Variants in GTF2F2 observed in about 807,000 individuals in gnomAD.
GTF2F2 encodes ATP-dependent helicase GTF2F2.
GTF2F2 carries 23 observed loss-of-function variants against 42.2 expected under a neutral mutation model. That is an observed-to-expected ratio of 0.55 (90% CI 0.39 to 0.77). The LOEUF is 0.77. Among genes scored for constraint, GTF2F2 ranks in the 30% least tolerant of loss-of-function variants. The probability of loss-of-function intolerance (pLI) is 0.00; values close to 1 mark genes in which losing one functional copy is unlikely to be tolerated. For missense variants in GTF2F2, 261 were observed against 287.2 expected, an observed-to-expected ratio of 0.91 and a Z score of 0.66; for synonymous variants, 105 against 100.8, an observed-to-expected ratio of 1.04 and a Z score of -0.25.
At chr13:45,237,095 A>G (rs1248016167) in intron 5 of GTF2F2, among the ~76,000 whole-genome samples, 1 of 152,216 alleles carries the variant, frequency 6.6e-6, no homozygotes, top group East Asian at 1.9e-4. Flanking sequence ...TCTAAAAAAT[A>G]TTATACCTAA....
chr13:45,139,153 T>C (rs1473881348), intron 2 of GTF2F2, among the ~76,000 whole-genome samples: 1 of 152,122 alleles, frequency 6.6e-6, no homozygotes, highest in African/African-American at 2.4e-5. Context: ...CTATAGGAGA[T>C]TGCATAATGG....
At chr13:45,264,063 A>G (rs748243396) in intron 6 of GTF2F2, 5 of 152,172 alleles carry the variant, frequency 3.3e-5, no homozygotes, top group Non-Finnish European at 2.9e-5. Flanking sequence ...TCGGACAGGA[A>G]GAAAAAAAAC....
chr13:45,167,581 G>A (rs1191318057), intron 4 of GTF2F2, among the ~76,000 whole-genome samples: 2 of 151,948 alleles, frequency 1.3e-5, no homozygotes, highest in Non-Finnish European at 2.9e-5. Context: ...TGTATTTTTA[G>A]TAGAGATGGG....
intron 4 of GTF2F2, among the ~76,000 whole-genome samples, chr13:45,178,031 G>A (rs1391976933): frequency 1.3e-5 from 2 of 152,168 alleles, no homozygotes; most frequent in East Asian, 3.9e-4. Flanking sequence ...TAAGCAGCCT[G>A]GGATTCATTG....
chr13:45,154,658 GAAATAAGGATAAT>G (rs1870663786), intron 4 of GTF2F2, among the ~76,000 whole-genome samples: 1 of 152,092 alleles, frequency 6.6e-6, no homozygotes, highest in African/African-American at 2.4e-5. Flanking sequence ...CCTCATTTAT[GAAATAAGGATAAT>G]TTATTGACAT....
intron 7 of GTF2F2, among the ~76,000 whole-genome samples, chr13:45,274,240 G>A (rs1235265801): frequency 1.3e-5 from 2 of 150,784 alleles, no homozygotes. Context: ...AATAAAAATA[G>A]TCATCTTAAT....
intron 2 of GTF2F2, among the ~76,000 whole-genome samples, chr13:45,145,766 C>A (rs1021430037): frequency 1.3e-5 from 2 of 152,182 alleles, no homozygotes; most frequent in African/African-American, 4.8e-5. Flanking sequence ...TGTGCAAATA[C>A]CCTATTCACC....
chr13:45,252,428 C>A (rs560070087), intron 5 of GTF2F2, among the ~76,000 whole-genome samples: 1 of 152,274 alleles, frequency 6.6e-6, no homozygotes, highest in East Asian at 1.9e-4. Context: ...CTGTGCTGTT[C>A]AGTAAACCTT....
At chr13:45,157,143 T>C (rs1870801006) in intron 4 of GTF2F2, among the ~76,000 whole-genome samples, 2 of 152,102 alleles carry the variant, frequency 1.3e-5, no homozygotes, top group Admixed American at 1.3e-4. Flanking sequence ...TGGAGTGAGT[T>C]AGCCAGCTAG....
At chr13:45,204,365 A>G (rs776882348) in intron 4 of GTF2F2, among the ~76,000 whole-genome samples, 9 of 152,192 alleles carry the variant, frequency 5.9e-5, no homozygotes, top group Non-Finnish European at 1.0e-4. Flanking sequence ...TGTCTTTTAC[A>G]TAGTAGGCAC....
intron 5 of GTF2F2, among the ~76,000 whole-genome samples, chr13:45,209,828 CCT>C (rs1485745358): frequency 2.6e-5 from 4 of 152,186 alleles, no homozygotes; most frequent in African/African-American, 9.6e-5. Context: ...CCAACTCTGT[CCT>C]CTCATTTTTT....
chr13:45,179,744 CT>C (rs1872056356), intron 4 of GTF2F2, among the ~76,000 whole-genome samples: 1 of 152,008 alleles, frequency 6.6e-6, no homozygotes, highest in Non-Finnish European at 1.5e-5. Flanking sequence ...CTTTTTGATA[CT>C]TTAAGATTTT....
At chr13:45,171,787 C>CT (rs1871611338) in intron 4 of GTF2F2, among the ~76,000 whole-genome samples, 1 of 151,936 alleles carries the variant, frequency 6.6e-6, no homozygotes, top group African/African-American at 2.4e-5. Context: ...ACGCCATAGT[C>CT]TACTTTCTGG....
At chr13:45,131,897 CAAAAAAAA>C (rs765260379) in intron 1 of GTF2F2, among the ~76,000 whole-genome samples, 632 of 53,202 alleles carry the variant, frequency 0.012, 12 homozygotes, top group Admixed American at 0.079. Context: ...GACCCTGTCT[CAAAAAAAA>C]AAAAAAAAAA....
intron 4 of GTF2F2, among the ~76,000 whole-genome samples, chr13:45,171,395 A>T (rs560745783): frequency 6.6e-6 from 1 of 152,248 alleles, no homozygotes; most frequent in Admixed American, 6.5e-5. Context: ...CTTTAATTCA[A>T]CTTTAAAAGA....
intron 7 of GTF2F2, among the ~76,000 whole-genome samples, chr13:45,281,283 C>T (rs140329644): frequency 1.4e-4 from 22 of 152,216 alleles, no homozygotes; most frequent in East Asian, 1.2e-3. Flanking sequence ...AGGCTGCCCA[C>T]GAGAGAGCTG....
chr13:45,168,138 T>A (rs1442478138), intron 4 of GTF2F2, among the ~76,000 whole-genome samples: 2 of 152,226 alleles, frequency 1.3e-5, no homozygotes, highest in African/African-American at 4.8e-5. Flanking sequence ...CCTTTTCTGC[T>A]GCTTCTAGGT....
chr13:45,203,044 C>G (rs1324592123), intron 4 of GTF2F2, among the ~76,000 whole-genome samples: 2 of 152,280 alleles, frequency 1.3e-5, no homozygotes, highest in Admixed American at 1.3e-4. Flanking sequence ...ATATAGGATA[C>G]TGACTGACCA....
intron 5 of GTF2F2, among the ~76,000 whole-genome samples, chr13:45,230,011 T>C (rs1327005978): frequency 1.3e-5 from 2 of 150,780 alleles, no homozygotes; most frequent in Admixed American, 1.3e-4. Context: ...AGGTCAGGAG[T>C]TTGAGACCAG....
Sources: allele counts gnomAD v4.1 joint callset (sites outside exome capture counted in the v4.1 genomes callset), GRCh38; gene constraint gnomAD v4.1.1; transcripts MANE v1.5; gene names NCBI Gene and HGNC (gene_info 2026-07-23, HGNC 2026-07-21).